The following BACH2 variants were observed in gnomAD, a reference collection of about 807,000 sequenced individuals.
BACH2 encodes the protein transcription regulator protein BACH2.
Under a neutral mutation model 61.8 loss-of-function variants are expected in BACH2, and 5 were observed. The observed-to-expected ratio is 0.08, with a 90% CI of 0.04 to 0.17. The LOEUF is 0.17. Ranked by LOEUF, BACH2 falls within the 10% of genes least tolerant of loss-of-function variation. BACH2 has a pLI of 1.00. For missense variants in BACH2, 824 were observed against 1,091.1 expected (o/e 0.76, Z 3.45); for synonymous variants, 446 against 440.1 (o/e 1.01, Z -0.17).
At chr6:90,037,247 T>G (rs953805528) in intron 5 of BACH2, among the ~76,000 whole-genome samples, 1 of 152,246 alleles carries the variant, frequency 6.6e-6, no homozygotes, top group Non-Finnish European at 1.5e-5. Flanking sequence ...AATGGGGCTA[T>G]GCAGGATCCT....
intron 4 of BACH2, among the ~76,000 whole-genome samples, chr6:90,135,750 A>C (rs1784250340): frequency 6.6e-6 from 1 of 152,112 alleles, no homozygotes; most frequent in Non-Finnish European, 1.5e-5. Flanking sequence ...GATTACTAGG[A>C]GCCTTGTATT....
At chr6:90,097,922 C>T (rs1782445505) in intron 4 of BACH2, among the ~76,000 whole-genome samples, 1 of 152,194 alleles carries the variant, frequency 6.6e-6, no homozygotes, top group African/African-American at 2.4e-5. Flanking sequence ...ATTAGCTTCT[C>T]TGTGACATAT....
At chr6:89,981,163 G>A (rs1470907072) in intron 6 of BACH2, among the ~76,000 whole-genome samples, 1 of 148,014 alleles carries the variant, frequency 6.8e-6, no homozygotes, top group East Asian at 2.0e-4. Flanking sequence ...AAACAGTCTC[G>A]CTCTGTCGCC....
chr6:90,245,165 A>G (rs917748639), intron 3 of BACH2, among the ~76,000 whole-genome samples: 3 of 152,070 alleles, frequency 2.0e-5, no homozygotes, highest in South Asian at 2.1e-4. Flanking sequence ...TGCCACTGCA[A>G]TCCTGCCTGG....
At chr6:90,214,848 A>G (rs1270710177) in intron 3 of BACH2, among the ~76,000 whole-genome samples, 1 of 145,866 alleles carries the variant, frequency 6.9e-6, no homozygotes, top group Non-Finnish European at 1.5e-5. Flanking sequence ...TGAAGCCTCA[A>G]CCTCCCAGGC....
intron 7 of BACH2, among the ~76,000 whole-genome samples, chr6:89,945,737 T>C (rs796546520): frequency 9.2e-5 from 14 of 152,348 alleles, no homozygotes; most frequent in African/African-American, 3.1e-4. Context: ...AATAAACCTG[T>C]GCAAGATAGA....
chr6:90,228,775 G>T (rs576736034), intron 3 of BACH2, among the ~76,000 whole-genome samples: 7 of 152,254 alleles, frequency 4.6e-5, no homozygotes, highest in African/African-American at 1.7e-4. Context: ...AACATAAAAA[G>T]AAATATTCTA....
intron 5 of BACH2, among the ~76,000 whole-genome samples, chr6:90,059,154 C>T (rs1483912376): frequency 6.6e-6 from 1 of 152,242 alleles, no homozygotes; most frequent in African/African-American, 2.4e-5. Flanking sequence ...AGCTTCTGCA[C>T]AGCAAAAGAA....
intron 4 of BACH2, among the ~76,000 whole-genome samples, chr6:90,089,481 A>T (rs1490873702): frequency 2.0e-5 from 3 of 152,120 alleles, no homozygotes; most frequent in Non-Finnish European, 4.4e-5. Flanking sequence ...CTTGGTTTAA[A>T]AGACACATGT....
chr6:90,198,304 C>A (rs1472376358), intron 4 of BACH2, among the ~76,000 whole-genome samples: 1 of 152,154 alleles, frequency 6.6e-6, no homozygotes, highest in Non-Finnish European at 1.5e-5. Context: ...TTGAAATGCC[C>A]CCATGATTCC....
chr6:90,240,888 T>C (rs895527565), intron 3 of BACH2, among the ~76,000 whole-genome samples: 1 of 152,092 alleles, frequency 6.6e-6, no homozygotes, highest in African/African-American at 2.4e-5. Context: ...ATACTAAATA[T>C]AATATTATTT....
At chr6:90,091,846 G>A (rs1364059657) in intron 4 of BACH2, among the ~76,000 whole-genome samples, 1 of 152,080 alleles carries the variant, frequency 6.6e-6, no homozygotes, top group East Asian at 1.9e-4. Flanking sequence ...AAAGACCAAA[G>A]AGAAGTGGAC....
At chr6:90,240,759 C>A (rs1352846506) in intron 3 of BACH2, among the ~76,000 whole-genome samples, 1 of 152,106 alleles carries the variant, frequency 6.6e-6, no homozygotes, top group Non-Finnish European at 1.5e-5. Context: ...TCCTAGGGAC[C>A]AAATTCCTAT....
intron 3 of BACH2, among the ~76,000 whole-genome samples, chr6:90,241,641 G>C (rs1308470274): frequency 6.6e-6 from 1 of 152,200 alleles, no homozygotes; most frequent in Non-Finnish European, 1.5e-5. Context: ...AGGGTAGGTG[G>C]AAAAGAGGGA....
chr6:90,111,053 G>A (rs369081161), intron 4 of BACH2, among the ~76,000 whole-genome samples: 28 of 152,296 alleles, frequency 1.8e-4, no homozygotes, highest in African/African-American at 6.5e-4. Flanking sequence ...ATCTTGTTTC[G>A]TGCTGAGGTG....
chr6:90,211,126 CAAAAAAAAAAA>C (rs3072672), intron 3 of BACH2, among the ~76,000 whole-genome samples: 6 of 45,360 alleles, frequency 1.3e-4, no homozygotes, highest in Non-Finnish European at 2.3e-4. Flanking sequence ...GACTCCATCT[CAAAAAAAAAAA>C]AAAAAAAAAA....
chr6:90,115,130 C>G (rs574017699), intron 4 of BACH2, among the ~76,000 whole-genome samples: 3 of 152,268 alleles, frequency 2.0e-5, no homozygotes, highest in East Asian at 3.9e-4. Flanking sequence ...CTATTCCTAT[C>G]AAGCTACCAA....
At position 90,031,809 on chromosome 6, in the gene BACH2, C is replaced by T. The variant is rs376369027; in HGVS notation, c.-12-22953G>A. On this transcript the variant is annotated intron_variant, in intron 5 of 8. Transcript: ENST00000257749. ...GTAATTTATAGATTCAGTGCCATCC[C>T]CATCAAGCTACCAATGACTTTCTTC... Among the ~76,000 whole-genome samples, 9 of 152,302 alleles carry T rather than the reference C, an allele frequency of 5.9e-5. No individual in the cohort carries two copies. In the East Asian group the frequency reaches 1.2e-3, roughly 20 times the overall value.
rs1362708639 is a variant in BACH2 at position 89,927,142 on chromosome 6, T to C, written c.*5266A>G. ...ATTGTCAAATTGTCACAGGCTCTCT[T>C]GGCCTCACTAGCAAAGGTGGTGCTT... On this transcript the variant is annotated 3_prime_UTR_variant, in exon 9 of 9. Transcript: ENST00000257749. 3 of 152,814 alleles carry C rather than the reference T, an allele frequency of 2.0e-5. No individual in the cohort carries two copies. The highest frequency in any genetic ancestry group is 7.2e-5 in the African/African-American group (3 of 41,454). The allele number at this position is 152,814 out of a possible 1,614,324, so 9.5% of individuals were successfully genotyped here.
Sources: allele counts gnomAD v4.1 joint callset (sites outside exome capture counted in the v4.1 genomes callset), GRCh38; gene constraint gnomAD v4.1.1; transcripts MANE v1.5; gene names NCBI Gene and HGNC (gene_info 2026-07-23, HGNC 2026-07-21).